TMCO1: variants seen among roughly 807,000 people sequenced by gnomAD.
TMCO1 encodes the protein calcium load-activated calcium channel.
Under a neutral mutation model 29.3 loss-of-function variants are expected in TMCO1, and 29 were observed. The ratio of observed to expected loss-of-function variants is 0.99; its 90% CI spans 0.74 to 1.35. The LOEUF (loss-of-function observed/expected upper bound fraction) is 1.35, where lower values mean the gene tolerates loss of function less well. Among genes scored for constraint, TMCO1 ranks in the 40% most tolerant of loss-of-function variants. The probability of loss-of-function intolerance (pLI) is 0.00; values close to 1 mark genes in which losing one functional copy is unlikely to be tolerated. For missense variants in TMCO1, 173 were observed against 225.5 expected (o/e 0.77, Z 1.49); for synonymous variants, 80 against 77.1 (o/e 1.04, Z -0.20).
At chr1:165,740,520 T>G (rs1651556357) in intron 6 of TMCO1, among the ~76,000 whole-genome samples, 1 of 152,168 alleles carries the variant, frequency 6.6e-6, no homozygotes, top group Non-Finnish European at 1.5e-5. Context: ...TATTGTGTTT[T>G]ATTAAGATGT....
intron 5 of TMCO1, among the ~76,000 whole-genome samples, chr1:165,745,166 G>A (rs1651746555): frequency 6.6e-6 from 1 of 150,686 alleles, no homozygotes; most frequent in East Asian, 2.0e-4. Flanking sequence ...GATTACAGAG[G>A]TATAGCACCA....
intron 4 of TMCO1, 83 bp from the exon 5 acceptor site, chr1:165,752,252 ATTT>A (rs773982057): frequency 7.5e-3 from 3,151 of 418,178 alleles, no homozygotes; most frequent in Middle Eastern, 0.015. Flanking sequence ...GTTTCATGTC[ATTT>A]TTTTTTTTTT....
chr1:165,756,330 A>G (rs958137818), intron 3 of TMCO1, among the ~76,000 whole-genome samples: 2 of 152,026 alleles, frequency 1.3e-5, no homozygotes, highest in Non-Finnish European at 1.5e-5. Context: ...GAAGTCTTAC[A>G]GTGAAGATCC....
intron 3 of TMCO1, 132 bp downstream of exon 3, chr1:165,759,393 T>G: frequency 1.4e-6 from 1 of 697,238 alleles, no homozygotes; most frequent in South Asian, 1.8e-5. Context: ...AGATAAAGTA[T>G]GCATGTGCTT....
chr1:165,749,467 A>T (rs73022552), intron 5 of TMCO1, among the ~76,000 whole-genome samples: 2,020 of 152,328 alleles, frequency 0.013, 53 homozygotes, highest in African/African-American at 0.047. Flanking sequence ...GTTGGAAACC[A>T]AATACCAAAA....
At chr1:165,737,408 A>G (rs60720624) in intron 6 of TMCO1, among the ~76,000 whole-genome samples, 2,019 of 152,308 alleles carry the variant, frequency 0.013, 51 homozygotes, top group African/African-American at 0.047. Flanking sequence ...TGACTAATAT[A>G]TAAGCAACTG....
Position 165,727,599 on chromosome 1 carries a change from G to GA in TMCO1, c.*423dup, listed in dbSNP as rs35952900. 37,804 of 445,702 alleles carry GA rather than the reference G, an allele frequency of 0.085. 1,489 individuals carry two copies. The highest frequency in any genetic ancestry group is 0.11 in the South Asian group (6,980 of 63,256). The allele number at this position is 445,702 out of a possible 1,614,324, so 27.6% of individuals were successfully genotyped here. A position where few individuals can be genotyped will look rare whatever the true frequency, so the allele number is the denominator to read the frequency against. On this transcript the variant is annotated 3_prime_UTR_variant, in exon 7 of 7. Transcript: ENST00000367881. Reference sequence around the variant, plus strand: ...TGATCTTATGTCATGTATTTGGCTTGAAAAAAAAACAACAACAAAACAAAC... The same window carrying GA: ...TGATCTTATGTCATGTATTTGGCTTGAAAAAAAAAACAACAACAAAACAAAC...
At chr1:165,736,168 C>T (rs1651371237) in intron 6 of TMCO1, among the ~76,000 whole-genome samples, 1 of 152,204 alleles carries the variant, frequency 6.6e-6, no homozygotes, top group Admixed American at 6.5e-5. Flanking sequence ...CCTCACCAGA[C>T]ACCGAATTTG....
chr1:165,736,429 G>C (rs1651385616), intron 6 of TMCO1, among the ~76,000 whole-genome samples: 1 of 152,034 alleles, frequency 6.6e-6, no homozygotes, highest in Admixed American at 6.6e-5. Context: ...TGTTACTTAA[G>C]AGAACAGGCC....
At chr1:165,753,239 G>C (rs537154141) in intron 4 of TMCO1, among the ~76,000 whole-genome samples, 2 of 152,062 alleles carry the variant, frequency 1.3e-5, no homozygotes, top group Non-Finnish European at 2.9e-5. Context: ...TTGGGAGGCC[G>C]AGGCAGGTGG....
chr1:165,740,993 G>C (rs1401329544), intron 6 of TMCO1, among the ~76,000 whole-genome samples: 1 of 152,206 alleles, frequency 6.6e-6, no homozygotes, highest in East Asian at 1.9e-4. Flanking sequence ...CTCTATTACA[G>C]AGACCATTTC....
intron 6 of TMCO1, among the ~76,000 whole-genome samples, chr1:165,739,780 TC>T (rs1231458119): frequency 6.6e-6 from 1 of 151,874 alleles, no homozygotes; most frequent in Non-Finnish European, 1.5e-5. Context: ...TTACTATTGA[TC>T]CATCACAAGT....
chr1:165,742,257 C>T (rs1443987411), intron 6 of TMCO1, among the ~76,000 whole-genome samples: 6 of 149,422 alleles, frequency 4.0e-5, no homozygotes, highest in Non-Finnish European at 7.4e-5. Flanking sequence ...CCTTAATTAT[C>T]GGCTCCCCCC....
In TMCO1 at chr1:165,768,796, C is replaced by A; in HGVS notation, c.-45G>T. The A allele has an allele frequency of 6.2e-7, 1 of 1,613,528 alleles. No individual in the cohort carries two copies. Among genetic ancestry groups the A allele is most frequent in the Non-Finnish European group, 8.5e-7 (1 of 1,179,742 alleles). The stretch of plus-strand genomic sequence containing the variant: ...ACTCTCACCCGCCAGGGGGAAAGCG[C>A]TCTACAGCCAGGAAAAGTGAAGCGA... On this transcript the variant is annotated 5_prime_UTR_variant, in exon 1 of 7. Transcript: ENST00000367881.
At chr1:165,752,252 ATTTTTTTTT>A in intron 4 of TMCO1, 83 bp from the exon 5 acceptor site, 1 of 427,960 alleles carries the variant, frequency 2.3e-6, no homozygotes, top group Admixed American at 4.4e-5. Context: ...GTTTCATGTC[ATTTTTTTTT>A]TTTTTTTTTT....
chr1:165,768,832 C>A lies in TMCO1; in HGVS notation c.-81G>T. 2 of 1,596,394 alleles carry A rather than the reference C, an allele frequency of 1.3e-6. No homozygotes were observed. The highest frequency in any genetic ancestry group is 1.7e-6 in the Non-Finnish European group (2 of 1,170,872). On this transcript the variant is annotated 5_prime_UTR_variant, in exon 1 of 7. Coordinates refer to ENST00000367881, the MANE Select transcript of TMCO1 (RefSeq NM_019026.6). ...GGAAAAGTGAAGCGAAAACGGCTTC[C>A]GTAGACTCCGCCACCACCGAGTAAC...
rs151112011 is a variant in TMCO1 at position 165,752,312 on chromosome 1, T to TGG, written c.256-145_256-144dup. The TGG allele has an allele frequency of 1.0e-3, 689 of 663,940 alleles. 3 individuals are homozygous for TGG. The African/African-American group carries it at 0.012, about 12-fold the overall frequency. 41.1% of individuals were successfully genotyped at this position (663,940 alleles called of 1,614,324 possible). ...CTCTGTCTCCCAGGCTGGAGTACAG[T>TGG]GGCGCAATCTCGGCTCACTGCAAGC... On this transcript the variant is annotated intron_variant, in intron 4 of 6. Coordinates refer to ENST00000367881, the MANE Select transcript of TMCO1 (RefSeq NM_019026.6).
intron 6 of TMCO1, among the ~76,000 whole-genome samples, chr1:165,731,592 AGAT>A (rs1332966230): frequency 6.6e-6 from 1 of 152,252 alleles, no homozygotes; most frequent in African/African-American, 2.4e-5. Context: ...GATTTAAAGA[AGAT>A]GATTGAAAAA....
At chr1:165,759,606 A>T in intron 2 of TMCO1, 22 bp from the exon 3 acceptor site, 1 of 1,598,200 alleles carries the variant, frequency 6.3e-7, no homozygotes, top group Non-Finnish European at 8.6e-7. Flanking sequence ...ATAGTAACAC[A>T]GTAAAAATTA....
Sources: allele counts gnomAD v4.1 joint callset (sites outside exome capture counted in the v4.1 genomes callset), GRCh38; gene constraint gnomAD v4.1.1; transcripts MANE v1.5; gene names NCBI Gene and HGNC (gene_info 2026-07-23, HGNC 2026-07-21).